Variants in SRPK1 observed in about 807,000 individuals in gnomAD.
The protein encoded by SRPK1 is SRSF protein kinase 1, also known as SFRS protein kinase 1.
A neutral mutation model predicts 89.5 loss-of-function variants in SRPK1; 52 were observed. The ratio of observed to expected loss-of-function variants is 0.58; its 90% CI spans 0.46 to 0.73. The LOEUF (loss-of-function observed/expected upper bound fraction) is 0.73. SRPK1 is among the 30% of genes least tolerant of loss of function. SRPK1 has a pLI of 0.00. For missense variants in SRPK1, 603 were observed against 780.6 expected, an observed-to-expected ratio of 0.77 and a Z score of 2.71; for synonymous variants, 255 against 270.2, an observed-to-expected ratio of 0.94 and a Z score of 0.55.
rs564256941 is a variant in SRPK1 at position 35,835,189 on chromosome 6, A to G, written c.*115T>C. 2.7e-5 allele frequency: 26 copies of G among 972,850 alleles called. No homozygotes were observed. The African/African-American group carries it at 4.3e-4, about 16-fold the overall frequency. 60.3% of individuals were successfully genotyped at this position (972,850 alleles called of 1,614,324 possible). On this transcript the variant is annotated 3_prime_UTR_variant, in exon 16 of 16. Transcript: ENST00000373825. Reference sequence around the variant, plus strand: ...GAACATGTTGGATTAAAAAAAAAACAAGATCTAGAAACTCTTGAAGGAAGA... The same window carrying G: ...GAACATGTTGGATTAAAAAAAAAACGAGATCTAGAAACTCTTGAAGGAAGA...
intron 12 of SRPK1, among the ~76,000 whole-genome samples, chr6:35,866,993 G>A (rs1286152383): frequency 2.6e-5 from 4 of 152,164 alleles, no homozygotes; most frequent in African/African-American, 4.8e-5. Flanking sequence ...TGGAATGATC[G>A]ACAATGAAGA....
At chr6:35,891,107 G>A in intron 2 of SRPK1, 94 bp from the exon 3 acceptor site, 1 of 1,430,010 alleles carries the variant, frequency 7.0e-7, no homozygotes. Flanking sequence ...TAAACTTTCA[G>A]ATAATATGAA....
intron 2 of SRPK1, among the ~76,000 whole-genome samples, chr6:35,908,188 G>T (rs1770890204): frequency 6.6e-6 from 1 of 152,170 alleles, no homozygotes; most frequent in African/African-American, 2.4e-5. Context: ...CTGCTATAAA[G>T]ATACTTGAAA....
At chr6:35,857,056 C>A in intron 13 of SRPK1, 1 of 468,768 alleles carries the variant, frequency 2.1e-6, no homozygotes, top group Non-Finnish European at 3.8e-6. Flanking sequence ...GTTCCTTCAC[C>A]TAACAGGAAC....
At chr6:35,910,232 C>T (rs1770932273) in intron 2 of SRPK1, among the ~76,000 whole-genome samples, 1 of 152,216 alleles carries the variant, frequency 6.6e-6, no homozygotes, top group South Asian at 2.1e-4. Context: ...ATCCATCTGC[C>T]TCAGCCTCCC....
chr6:35,870,868 A>G lies in SRPK1; in HGVS notation c.777+66T>C, dbSNP rs534513317. The stretch of plus-strand genomic sequence containing the variant: ...AACTTGAAACAAACTGTTACCATCC[A>G]CAACAGAAGAACCCATGCCCATAGT... On this transcript the variant is annotated intron_variant, in intron 9 of 15. Transcript: ENST00000373825. 3.0e-6 allele frequency: 4 copies of G among 1,343,110 alleles called. No individual in the cohort carries two copies. The South Asian group carries it at 5.6e-5, about 19-fold the overall frequency. The allele number at this position is 1,343,110 out of a possible 1,614,324, so 83.2% of individuals were successfully genotyped here.
chr6:35,838,050 A>T (rs1199799623), intron 15 of SRPK1, among the ~76,000 whole-genome samples: 2 of 151,634 alleles, frequency 1.3e-5, no homozygotes, highest in African/African-American at 4.8e-5. Context: ...TTGTATTTTT[A>T]GTAGAGACGG....
chr6:35,879,743 A>G (rs1238494676), intron 6 of SRPK1, among the ~76,000 whole-genome samples: 1 of 152,190 alleles, frequency 6.6e-6, no homozygotes, highest in Non-Finnish European at 1.5e-5. Flanking sequence ...GACTTGATGC[A>G]GACCTACTAG....
chr6:35,899,980 G>A (rs1770707288), intron 2 of SRPK1, among the ~76,000 whole-genome samples: 1 of 149,198 alleles, frequency 6.7e-6, no homozygotes, highest in Non-Finnish European at 1.5e-5. Context: ...CAGTCTGGGC[G>A]ACAGAGCAAG....
chr6:35,845,428 A>G (rs897812808), intron 13 of SRPK1, among the ~76,000 whole-genome samples: 7 of 152,248 alleles, frequency 4.6e-5, no homozygotes, highest in Admixed American at 6.5e-5. Flanking sequence ...AATAAAGTCT[A>G]TTAAGAAACA....
intron 2 of SRPK1, among the ~76,000 whole-genome samples, chr6:35,891,235 G>A (rs776779630): frequency 1.3e-5 from 2 of 152,050 alleles, no homozygotes; most frequent in Non-Finnish European, 2.9e-5. Flanking sequence ...ATATTAAAAA[G>A]TACAAAGGAG....
At position 35,833,900 on chromosome 6, in the gene SRPK1, G is replaced by C. The variant is rs1417229380; in HGVS notation, c.*1404C>G. On this transcript the variant is annotated 3_prime_UTR_variant, in exon 16 of 16. Transcript: ENST00000373825. ...CGCTGCAATCCCCAAGGCCCACTTG[G>C]TCCATGCTGAAGAAGCGGCTGTGAC... 1 of 152,282 alleles carries C rather than the reference G, an allele frequency of 6.6e-6. No individual in the cohort carries two copies. The highest frequency in any genetic ancestry group is 1.5e-5 in the Non-Finnish European group (1 of 68,034). 9.4% of individuals were successfully genotyped at this position (152,282 alleles called of 1,614,324 possible).
At chr6:35,846,100 G>T (rs755516064) in intron 13 of SRPK1, among the ~76,000 whole-genome samples, 4 of 152,004 alleles carry the variant, frequency 2.6e-5, no homozygotes, top group Admixed American at 6.6e-5. Context: ...TTCTTCAATG[G>T]TATATAGAGT....
intron 14 of SRPK1, among the ~76,000 whole-genome samples, chr6:35,840,007 A>C (rs547640805): frequency 6.6e-6 from 1 of 151,906 alleles, no homozygotes; most frequent in Non-Finnish European, 1.5e-5. Context: ...GGGTTTTGCC[A>C]TGTTGCCCAG....
chr6:35,911,575 A>AT (rs1407464329), intron 2 of SRPK1, among the ~76,000 whole-genome samples: 4 of 151,752 alleles, frequency 2.6e-5, no homozygotes, highest in South Asian at 2.1e-4. Flanking sequence ...TTATTAATTA[A>AT]TTTTTTTAAA....
chr6:35,845,182 G>T (rs1008907686), intron 13 of SRPK1, among the ~76,000 whole-genome samples: 15 of 152,142 alleles, frequency 9.9e-5, no homozygotes, highest in Non-Finnish European at 2.2e-4. Flanking sequence ...GCAGTGAAAC[G>T]ATATTGTATA....
intron 2 of SRPK1, chr6:35,905,094 C>A: frequency 6.6e-6 from 2 of 305,294 alleles, no homozygotes; most frequent in Non-Finnish European, 1.3e-5. Flanking sequence ...TTGCAGTGAC[C>A]TATGATCACA....
At chr6:35,858,861 C>T (rs1769719310) in intron 12 of SRPK1, among the ~76,000 whole-genome samples, 1 of 152,090 alleles carries the variant, frequency 6.6e-6, no homozygotes, top group Admixed American at 6.6e-5. Flanking sequence ...ATAGGGCAAC[C>T]CAATCAGATC....
At chr6:35,836,760 T>TAAA (rs1252633916) in intron 15 of SRPK1, among the ~76,000 whole-genome samples, 1 of 145,936 alleles carries the variant, frequency 6.9e-6, no homozygotes, top group Non-Finnish European at 1.5e-5. Flanking sequence ...GTCTCAATAA[T>TAAA]AATAATAATA....
Sources: gnomAD v4.1 joint callset for allele counts (sites outside exome capture counted in the v4.1 genomes callset) on GRCh38, gnomAD v4.1.1 for gene constraint, MANE v1.5 for transcripts, NCBI Gene and HGNC (gene_info 2026-07-23, HGNC 2026-07-21) for gene names.